Variants in GPC5 observed in about 807,000 individuals in gnomAD.
GPC5 encodes glypican 5, also known as glypican-5.
GPC5 carries 47 observed loss-of-function variants against 53.9 expected under a neutral mutation model. That is an observed-to-expected ratio of 0.87 (90% CI 0.69 to 1.11). The LOEUF (loss-of-function observed/expected upper bound fraction) is 1.11, where lower values mean the gene tolerates loss of function less well. Ranked by LOEUF, GPC5 falls within the 50% of genes most tolerant of loss-of-function variation. The pLI, the probability that GPC5 is intolerant of heterozygous loss-of-function variation, is 0.00. For missense variants in GPC5, 748 were observed against 713.1 expected (o/e 1.05, Z -0.56); for synonymous variants, 286 against 263.3 (o/e 1.09, Z -0.84).
chr13:91,592,729 A>G (rs1004867166), intron 2 of GPC5, among the ~76,000 whole-genome samples: 1 of 152,148 alleles, frequency 6.6e-6, no homozygotes, highest in Non-Finnish European at 1.5e-5. Flanking sequence ...GGGGGATCCA[A>G]AGCCTTCCTA....
intron 4 of GPC5, among the ~76,000 whole-genome samples, chr13:91,745,437 T>G (rs375404138): frequency 1.6e-5 from 1 of 63,598 alleles, no homozygotes; most frequent in African/African-American, 6.3e-5. Flanking sequence ...AAAGGGTCTC[T>G]AAGGAGCCCA....
At chr13:91,596,685 T>G (rs1292368365) in intron 2 of GPC5, among the ~76,000 whole-genome samples, 1 of 152,128 alleles carries the variant, frequency 6.6e-6, no homozygotes, top group Non-Finnish European at 1.5e-5. Flanking sequence ...GGGACAAGAA[T>G]TATGTTTAGT....
At chr13:92,733,225 A>T (rs1451175938) in intron 7 of GPC5, among the ~76,000 whole-genome samples, 3 of 151,704 alleles carry the variant, frequency 2.0e-5, no homozygotes, top group Non-Finnish European at 1.5e-5. Flanking sequence ...AAATCTCACA[A>T]TGAAGATGTA....
intron 1 of GPC5, among the ~76,000 whole-genome samples, chr13:91,399,528 A>G (rs1240677266): frequency 6.6e-6 from 1 of 152,090 alleles, no homozygotes; most frequent in Admixed American, 6.5e-5. Context: ...ACGCAGTCTA[A>G]CTCCGTTTCT....
intron 5 of GPC5, among the ~76,000 whole-genome samples, chr13:91,800,855 G>T: frequency 6.6e-6 from 1 of 150,458 alleles, no homozygotes; most frequent in East Asian, 2.0e-4. Flanking sequence ...ACATTTCAAA[G>T]TTGTTCTCTC....
intron 2 of GPC5, among the ~76,000 whole-genome samples, chr13:91,630,618 A>G (rs909828241): frequency 1.3e-5 from 2 of 152,178 alleles, no homozygotes; most frequent in Admixed American, 1.3e-4. Context: ...ATCTCTGCAC[A>G]GTATCAGATC....
intron 6 of GPC5, among the ~76,000 whole-genome samples, chr13:91,967,735 C>T (rs1431243426): frequency 6.6e-6 from 1 of 151,958 alleles, no homozygotes; most frequent in Non-Finnish European, 1.5e-5. Context: ...TTTTCATATA[C>T]AAAATCATCA....
intron 7 of GPC5, among the ~76,000 whole-genome samples, chr13:92,596,052 T>G (rs1489721137): frequency 6.6e-6 from 1 of 152,188 alleles, no homozygotes; most frequent in Non-Finnish European, 1.5e-5. Context: ...TATACATGCA[T>G]TCTCATTCAG....
intron 2 of GPC5, among the ~76,000 whole-genome samples, chr13:91,564,784 T>C (rs951705661): frequency 3.3e-5 from 5 of 152,172 alleles, no homozygotes; most frequent in African/African-American, 1.2e-4. Context: ...TCAGGCATAT[T>C]ATCGATTTTT....
chr13:92,454,369 T>G (rs1878183355), intron 7 of GPC5, among the ~76,000 whole-genome samples: 2 of 152,216 alleles, frequency 1.3e-5, no homozygotes, highest in African/African-American at 2.4e-5. Flanking sequence ...ACCATTGTAT[T>G]GCTTATCTGT....
chr13:92,714,864 A>G (rs1888272162), intron 7 of GPC5, among the ~76,000 whole-genome samples: 1 of 152,136 alleles, frequency 6.6e-6, no homozygotes, highest in Non-Finnish European at 1.5e-5. Context: ...TCAGGAGTTC[A>G]AGACCAGCCT....
At chr13:92,078,149 G>C (rs2041267816) in intron 6 of GPC5, among the ~76,000 whole-genome samples, 1 of 152,100 alleles carries the variant, frequency 6.6e-6, no homozygotes, top group African/African-American at 2.4e-5. Context: ...ACAATACCCT[G>C]TACAAAGAGA....
chr13:91,674,498 CATATGTGTAT>C (rs1361499765), intron 2 of GPC5, among the ~76,000 whole-genome samples: 1 of 147,356 alleles, frequency 6.8e-6, no homozygotes, highest in Non-Finnish European at 1.5e-5. Flanking sequence ...TGTATATATG[CATATGTGTAT>C]ATATACACAT....
intron 6 of GPC5, among the ~76,000 whole-genome samples, chr13:91,927,009 G>A (rs1232308047): frequency 1.3e-5 from 2 of 151,996 alleles, no homozygotes; most frequent in South Asian, 2.1e-4. Context: ...TGAAATCATC[G>A]TATACAAATA....
intron 1 of GPC5, among the ~76,000 whole-genome samples, chr13:91,440,576 G>A (rs1238630272): frequency 6.6e-6 from 1 of 152,126 alleles, no homozygotes; most frequent in African/African-American, 2.4e-5. Flanking sequence ...TCTAATATCT[G>A]GGGCTGGCCT....
intron 7 of GPC5, among the ~76,000 whole-genome samples, chr13:92,407,844 C>G (rs1309876919): frequency 2.0e-5 from 3 of 151,910 alleles, no homozygotes; most frequent in Non-Finnish European, 4.4e-5. Context: ...AAACTATGAA[C>G]AAGATAAAGA....
intron 7 of GPC5, among the ~76,000 whole-genome samples, chr13:92,775,878 T>A (rs908467158): frequency 1.3e-5 from 2 of 152,220 alleles, no homozygotes; most frequent in Non-Finnish European, 2.9e-5. Context: ...TTCATGTTCT[T>A]GATGAAATCT....
intron 7 of GPC5, among the ~76,000 whole-genome samples, chr13:92,200,529 A>C (rs2042286992): frequency 6.6e-6 from 1 of 152,328 alleles, no homozygotes; most frequent in East Asian, 1.9e-4. Context: ...AAATTATAAC[A>C]GTTGAGATTC....
chr13:91,577,655 G>C (rs979411601), intron 2 of GPC5, among the ~76,000 whole-genome samples: 1 of 151,972 alleles, frequency 6.6e-6, no homozygotes, highest in Non-Finnish European at 1.5e-5. Flanking sequence ...TATGAAACTT[G>C]GTCATAAAGA....
Sources: gnomAD v4.1 joint callset for allele counts (sites outside exome capture counted in the v4.1 genomes callset) on GRCh38, gnomAD v4.1.1 for gene constraint, MANE v1.5 for transcripts, NCBI Gene and HGNC (gene_info 2026-07-23, HGNC 2026-07-21) for gene names.